Variants in CSNK1E observed in about 807,000 individuals in gnomAD.
CSNK1E encodes casein kinase 1 epsilon, also known as casein kinase I isoform epsilon.
CSNK1E carries 17 observed loss-of-function variants against 46.1 expected under a neutral mutation model. The ratio of observed to expected loss-of-function variants is 0.37; its 90% CI spans 0.25 to 0.55. The LOEUF (loss-of-function observed/expected upper bound fraction) is 0.55. Ranked by LOEUF, CSNK1E falls within the 20% of genes least tolerant of loss-of-function variation. CSNK1E has a pLI of 0.82. For synonymous variants in CSNK1E, 241 were observed against 242.6 expected, an observed-to-expected ratio of 0.99 and a Z score of 0.06; for missense variants, 386 against 595.4, an observed-to-expected ratio of 0.65 and a Z score of 3.66.
chr22:38,293,244 C>A lies in CSNK1E; in HGVS notation c.*32+11G>T, dbSNP rs893439075. The A allele has an allele frequency of 6.2e-7, 1 of 1,610,536 alleles. No homozygotes were observed. The highest frequency in any genetic ancestry group is 1.3e-5 in the African/African-American group (1 of 74,852). On this transcript the variant is annotated intron_variant, in intron 10 of 10. Transcript: ENST00000396832. ...CTGGGCTGGCTGCATCTGCAGCAGT[C>A]ATGGACTCACCTAAGCAAACACTGG...
At chr22:38,306,534 C>G (rs926887876) in intron 2 of CSNK1E, among the ~76,000 whole-genome samples, 1 of 152,146 alleles carries the variant, frequency 6.6e-6, no homozygotes, top group African/African-American at 2.4e-5. Context: ...AGATCAAGAC[C>G]ATCCTGGCCA....
At chr22:38,307,993 G>A (rs1569081590) in intron 2 of CSNK1E, among the ~76,000 whole-genome samples, 1 of 152,152 alleles carries the variant, frequency 6.6e-6, no homozygotes, top group Non-Finnish European at 1.5e-5. Flanking sequence ...CCTGGCCCAG[G>A]AGGGCTGTAT....
Position 38,294,409 on chromosome 22 carries a change from AGTG to A in CSNK1E, c.1008_1010del (p.Thr337del). The A allele has an allele frequency of 6.4e-7, 1 of 1,557,916 alleles. No individual in the cohort carries two copies. The highest frequency in any genetic ancestry group is 2.4e-5 in the East Asian group (1 of 41,680). On this transcript the variant is annotated inframe_deletion, in exon 8 of 11. Coordinates refer to ENST00000396832, the MANE Select transcript of CSNK1E (RefSeq NM_152221.3). The surrounding 1 kb of genome is among the most constrained non-coding windows in gnomAD (Gnocchi z 5.5). ...CGGCGGCACTGCGGAGCCGGTTGGC[AGTG>A]GCCCCCGTGGGTGGGCCAGGGGGCA...
Position 38,303,277 on chromosome 22 carries a change from G to C in CSNK1E, c.77-29C>G. 6.4e-7 allele frequency: 1 copy of C among 1,564,474 alleles called. No individual in the cohort carries two copies. Among genetic ancestry groups the C allele is most frequent in the African/African-American group, 1.3e-5 (1 of 74,306 alleles). The stretch of plus-strand genomic sequence containing the variant: ...CCCGGGGCAGGGAGGCAAGGGACCA[G>C]GGTCACCCTCAAAGGCCAGGCAGTC... On this transcript the variant is annotated intron_variant, in intron 2 of 10. Transcript: ENST00000396832. This position sits in a 1 kb window ranked among gnomAD's most constrained non-coding sequence, Gnocchi z 4.7.
chr22:38,304,915 A>G (rs2092691059), intron 2 of CSNK1E, among the ~76,000 whole-genome samples: 1 of 152,140 alleles, frequency 6.6e-6, no homozygotes, highest in Non-Finnish European at 1.5e-5. Flanking sequence ...CAAGGTCAGG[A>G]GTCCGAGACC....
rs1387174274 is a variant in CSNK1E at position 38,314,101 on chromosome 22, G to C, written c.57C>G (p.Ser19=). 1 of 1,613,938 alleles carries C rather than the reference G, an allele frequency of 6.2e-7. No homozygotes were observed. Among genetic ancestry groups the C allele is most frequent in the African/African-American group, 1.3e-5 (1 of 74,910 alleles). The part of the protein sequence containing the change: ...YRLGRKIGSG[S]FGDIYLGANI... ...ACTTACCCAGGTAGATATCTCCGAA[G>C]GACCCGCTCCCGATCTTCCGTCCCA... is the stretch of plus-strand genomic sequence containing the variant. The change falls in exon 2 of 11, where the codon TCC becomes TCG. Residue 19 remains serine (S), a synonymous_variant. Coordinates refer to ENST00000396832, the MANE Select transcript of CSNK1E (RefSeq NM_152221.3).
rs1474688581 is a variant in CSNK1E at position 38,309,924 on chromosome 22, C to T, written c.76+4158G>A. On this transcript the variant is annotated intron_variant, in intron 2 of 10. Coordinates refer to ENST00000396832, the MANE Select transcript of CSNK1E (RefSeq NM_152221.3). The surrounding 1 kb of genome is among the most constrained non-coding windows in gnomAD (Gnocchi z 4.8). ...CTCCCCCTGCAGCAGGTCCTGCCAC[C>T]AATGAGTTCCTTGGTGGCCTCTAAA... is the stretch of plus-strand genomic sequence containing the variant. Among the ~76,000 whole-genome samples the T allele has an allele frequency of 1.3e-5, 2 of 152,222 alleles. No individual in the cohort carries two copies. Among genetic ancestry groups the T allele is most frequent in the Non-Finnish European group, 2.9e-5 (2 of 68,032 alleles).
In CSNK1E at chr22:38,298,957, GAGA is replaced by G; in HGVS notation, c.737-26_737-24del. 1 of 1,613,782 alleles carries G rather than the reference GAGA, an allele frequency of 6.2e-7. No homozygotes were observed. Among genetic ancestry groups the G allele is most frequent in the Non-Finnish European group, 8.5e-7 (1 of 1,179,756 alleles). On this transcript the variant is annotated intron_variant, in intron 6 of 10. Transcript: ENST00000396832. The surrounding 1 kb of genome is among the most constrained non-coding windows in gnomAD (Gnocchi z 4.2). Reference sequence around the variant, plus strand: ...CGGCTGGAGGGTGTTGCAGAGGATAGAGAAGGCCACTGTGAGGCCCACGCTCCC... The same window carrying G: ...CGGCTGGAGGGTGTTGCAGAGGATAGAGGCCACTGTGAGGCCCACGCTCCC...
chr22:38,297,678 TG>T, intron 7 of CSNK1E: 1 of 995,782 alleles, frequency 1.0e-6, no homozygotes, highest in Middle Eastern at 5.2e-4. Context: ...GAGTCTGTCC[TG>T]GGACCCGTTC....
rs374598201 is a variant in CSNK1E at position 38,294,175 on chromosome 22, C to T, written c.1152G>A (p.Ala384=). ...GGTCTGAGGAGGAGACGTTGGCGGG[C>T]GCACCCCTGTGCAGCCTCATACTCA... ...RKVSMRLHRG[A]PANVSSSDLT... is the part of the protein sequence containing the mutation. Residue 384 remains alanine (A), a synonymous_variant, in exon 9 of 11, where the codon GCG becomes GCA. Coordinates refer to ENST00000396832, the MANE Select transcript of CSNK1E (RefSeq NM_152221.3). This position sits in a 1 kb window ranked among gnomAD's most constrained non-coding sequence, Gnocchi z 5.5. The T allele has an allele frequency of 1.4e-4, 218 of 1,611,984 alleles. No homozygotes were observed. Among genetic ancestry groups the T allele is most frequent in the African/African-American group, 3.5e-4 (26 of 75,026 alleles).
intron 10 of CSNK1E, 50 bp downstream of exon 10, chr22:38,293,205 A>G: frequency 1.4e-6 from 2 of 1,440,034 alleles, no homozygotes; most frequent in Non-Finnish European, 2.0e-6. Context: ...GGGCCCTGGG[A>G]GCTTCTAGGT....
intron 2 of CSNK1E, among the ~76,000 whole-genome samples, chr22:38,304,395 A>G (rs1236461241): frequency 5.9e-5 from 9 of 152,134 alleles, no homozygotes; most frequent in Admixed American, 5.9e-4. Context: ...GTTTGTATAT[A>G]AGAAATAAAG....
At position 38,298,949 on chromosome 22, in the gene CSNK1E, A is replaced by G. The variant is rs756640656; in HGVS notation, c.737-15T>C. 4.3e-6 allele frequency: 7 copies of G among 1,613,926 alleles called. No homozygotes were observed. In the East Asian group the frequency reaches 1.1e-4, roughly 26 times the overall value. On this transcript the variant is annotated splice_polypyrimidine_tract_variant and intron_variant, in intron 6 of 10. Coordinates refer to ENST00000396832, the MANE Select transcript of CSNK1E (RefSeq NM_152221.3). The surrounding 1 kb of genome is among the most constrained non-coding windows in gnomAD (Gnocchi z 4.2). ...TGAGAATTCGGCTGGAGGGTGTTGCAGAGGATAGAGAAGGCCACTGTGAGG... is the reference window on the plus strand; with the variant it reads ...TGAGAATTCGGCTGGAGGGTGTTGCGGAGGATAGAGAAGGCCACTGTGAGG...
chr22:38,315,922 G>C (rs1469191643), intron 1 of CSNK1E, among the ~76,000 whole-genome samples: 1 of 152,002 alleles, frequency 6.6e-6, no homozygotes, highest in Non-Finnish European at 1.5e-5. Flanking sequence ...AGGACCCCCT[G>C]ACTGCTATGT....
intron 1 of CSNK1E, among the ~76,000 whole-genome samples, chr22:38,315,149 C>T (rs998480167): frequency 5.3e-5 from 8 of 152,340 alleles, no homozygotes; most frequent in Non-Finnish European, 1.0e-4. Context: ...GGTACAGCCT[C>T]GCCGAGGACA....
intron 2 of CSNK1E, among the ~76,000 whole-genome samples, chr22:38,312,202 C>T (rs1167352954): frequency 1.3e-5 from 2 of 152,234 alleles, no homozygotes; most frequent in Non-Finnish European, 2.9e-5. Context: ...GATTCTCCCA[C>T]CTCAGCCTCC....
At position 38,300,107 on chromosome 22, in the gene CSNK1E, C is replaced by T. The variant is rs1329714186; in HGVS notation, c.566-42G>A. The T allele has an allele frequency of 1.3e-6, 2 of 1,590,350 alleles. No individual in the cohort carries two copies. On this transcript the variant is annotated intron_variant, in intron 5 of 10. Coordinates refer to ENST00000396832, the MANE Select transcript of CSNK1E (RefSeq NM_152221.3). This position sits in a 1 kb window ranked among gnomAD's most constrained non-coding sequence, Gnocchi z 4.4. ...AGACTAGGTGAGGGACAGGGGTCCA[C>T]TCAGGCCCCTAACTCATCCTCTGGG...
chr22:38,299,910 A>G lies in CSNK1E; in HGVS notation c.721T>C (p.Cys241Arg). 1 of 1,614,110 alleles carries G rather than the reference A, an allele frequency of 6.2e-7. No homozygotes were observed. The highest frequency in any genetic ancestry group is 8.5e-7 in the Non-Finnish European group (1 of 1,179,982). Residue 241 changes from cysteine to arginine, a missense_variant, in exon 6 of 11, where the codon TGC (cysteine) becomes CGC (arginine). Transcript: ENST00000396832. The part of the protein sequence containing the change: ...KKMSTPIEVL[C>R]KGYPSEFSTY... The stretch of plus-strand genomic sequence containing the variant: ...GGCTACTCACAGGGATAGCCTTTGC[A>G]GAGGACCTCGATGGGCGTTGACATC...
intron 2 of CSNK1E, among the ~76,000 whole-genome samples, chr22:38,313,143 C>T: frequency 6.6e-6 from 1 of 152,188 alleles, no homozygotes; most frequent in East Asian, 1.9e-4. Context: ...GTAACAGAAA[C>T]CCCGAAGTTC....
Sources: gnomAD v4.1 joint callset for allele counts (sites outside exome capture counted in the v4.1 genomes callset) on GRCh38, gnomAD v4.1.1 for gene constraint, Gnocchi (gnomAD v3.1) non-coding constraint, MANE v1.5 for transcripts, NCBI Gene and HGNC (gene_info 2026-07-23, HGNC 2026-07-21) for gene names.